Variants in IL1RAPL2 observed in about 807,000 individuals in gnomAD.
IL1RAPL2 encodes the protein X-linked interleukin-1 receptor accessory protein-like 2.
IL1RAPL2 carries 3 observed loss-of-function variants against 44.1 expected under a neutral mutation model. The ratio of observed to expected loss-of-function variants is 0.07; its 90% confidence interval spans 0.03 to 0.18. The LOEUF is 0.18. Among genes scored for constraint, IL1RAPL2 ranks in the 10% least tolerant of loss-of-function variants. The pLI is 1.00. For synonymous variants in IL1RAPL2, 181 were observed against 178.8 expected (o/e 1.01, Z -0.10); for missense variants, 391 against 496.4 (o/e 0.79, Z 2.02).
intron 2 of IL1RAPL2, among the ~76,000 whole-genome samples, chrX:104,718,549 A>G (rs1454746154): frequency 9.0e-6 from 1 of 110,514 alleles, no homozygotes; most frequent in African/African-American, 3.3e-5. Context: ...TAAAAGTGGC[A>G]GTTTCCCCTG....
intron 2 of IL1RAPL2, among the ~76,000 whole-genome samples, chrX:104,801,420 G>T (rs1334104214): frequency 1.1e-5 from 1 of 95,030 alleles, no homozygotes. Context: ...CTTCCTTATC[G>T]ACTTGAGCAT....
At chrX:104,739,651 G>C (rs189487338) in intron 2 of IL1RAPL2, among the ~76,000 whole-genome samples, 23 of 111,943 alleles carry the variant, frequency 2.1e-4, no homozygotes, top group Admixed American at 1.8e-3. Flanking sequence ...CTCTTTGTAG[G>C]AGAGAAAGGC....
At chrX:104,759,582 A>G (rs1052098583) in intron 2 of IL1RAPL2, among the ~76,000 whole-genome samples, 10 of 111,440 alleles carry the variant, frequency 9.0e-5, no homozygotes, top group African/African-American at 3.3e-4. Context: ...TCTTAGTAGC[A>G]CAAATATTTT....
chrX:105,677,375 C>T (rs1475722491), intron 6 of IL1RAPL2, among the ~76,000 whole-genome samples: 1 of 111,888 alleles, frequency 8.9e-6, no homozygotes, highest in Non-Finnish European at 1.9e-5. Flanking sequence ...ATATATACTG[C>T]ACATTCTAAA....
chrX:104,704,580 A>T (rs1931334413), intron 2 of IL1RAPL2, among the ~76,000 whole-genome samples: 1 of 111,622 alleles, frequency 9.0e-6, no homozygotes, highest in African/African-American at 3.3e-5. Context: ...GCCCTGAATT[A>T]TACTCAGAAT....
chrX:105,562,993 G>T (rs1227270260), intron 6 of IL1RAPL2, among the ~76,000 whole-genome samples: 1 of 111,928 alleles, frequency 8.9e-6, no homozygotes, highest in Non-Finnish European at 1.9e-5. Flanking sequence ...TACACATTTT[G>T]TCAGACAGTA....
At chrX:104,808,322 T>C (rs781389773) in intron 2 of IL1RAPL2, among the ~76,000 whole-genome samples, 43 of 111,503 alleles carry the variant, frequency 3.9e-4, no homozygotes, top group Non-Finnish European at 7.5e-4. Flanking sequence ...CTGACATAGG[T>C]AGAGTAAGCT....
chrX:105,168,801 G>A (rs1347810685), intron 2 of IL1RAPL2, among the ~76,000 whole-genome samples: 1 of 110,227 alleles, frequency 9.1e-6, no homozygotes, highest in Non-Finnish European at 1.9e-5. Context: ...CCCACAGTGG[G>A]GAGGTCAATC....
At chrX:105,437,598 G>A (rs1181612946) in intron 5 of IL1RAPL2, among the ~76,000 whole-genome samples, 10 of 111,219 alleles carry the variant, frequency 9.0e-5, no homozygotes, top group African/African-American at 2.9e-4. Flanking sequence ...TATGTCAGGT[G>A]TACTAGAAAC....
At chrX:104,692,484 A>T (rs1358488138) in intron 2 of IL1RAPL2, among the ~76,000 whole-genome samples, 1 of 109,228 alleles carries the variant, frequency 9.2e-6, no homozygotes, top group African/African-American at 3.3e-5. Context: ...TATATCTCCT[A>T]ATGCTATCCC....
At chrX:104,955,110 T>G (rs903899357) in intron 2 of IL1RAPL2, among the ~76,000 whole-genome samples, 11 of 111,887 alleles carry the variant, frequency 9.8e-5, no homozygotes, top group Admixed American at 9.5e-4. Context: ...GTCATGGTAT[T>G]GGTAGGCATG....
At chrX:105,427,776 TTAAGAC>T (rs905889798) in intron 5 of IL1RAPL2, among the ~76,000 whole-genome samples, 16 of 111,269 alleles carry the variant, frequency 1.4e-4, no homozygotes, top group Non-Finnish European at 1.9e-4. Flanking sequence ...AGATTATGGT[TTAAGAC>T]TAACTACTAA....
intron 2 of IL1RAPL2, among the ~76,000 whole-genome samples, chrX:105,104,926 A>C (rs968046038): frequency 3.6e-5 from 4 of 112,367 alleles, no homozygotes; most frequent in Non-Finnish European, 7.5e-5. Context: ...ATTACTTGAA[A>C]TGATTTAATT....
chrX:105,649,081 A>G (rs903384674), intron 6 of IL1RAPL2, among the ~76,000 whole-genome samples: 9 of 111,669 alleles, frequency 8.1e-5, no homozygotes, highest in African/African-American at 2.9e-4. Flanking sequence ...TACATCCAAT[A>G]TGCAACTGAG....
At chrX:105,599,820 C>G (rs2037237475) in intron 6 of IL1RAPL2, among the ~76,000 whole-genome samples, 1 of 110,589 alleles carries the variant, frequency 9.0e-6, no homozygotes, top group East Asian at 2.8e-4. Flanking sequence ...CAGTTATAAA[C>G]TATGACATTG....
chrX:105,060,555 A>G (rs768395423), intron 2 of IL1RAPL2, among the ~76,000 whole-genome samples: 2 of 88,731 alleles, frequency 2.3e-5, no homozygotes. Flanking sequence ...ATTGGCCTGT[A>G]CTTTTCTTTT....
chrX:104,686,595 C>T (rs181595986), intron 2 of IL1RAPL2, among the ~76,000 whole-genome samples: 18 of 112,085 alleles, frequency 1.6e-4, no homozygotes, highest in South Asian at 3.7e-4. Flanking sequence ...GTCCAGCTAG[C>T]TAAGTTTCCT....
At chrX:105,128,255 T>G (rs1254000891) in intron 2 of IL1RAPL2, among the ~76,000 whole-genome samples, 1 of 110,642 alleles carries the variant, frequency 9.0e-6, no homozygotes, top group Admixed American at 9.7e-5. Context: ...GTTGTTTATT[T>G]TTTATGTGCT....
chrX:104,692,869 A>G (rs1352918096), intron 2 of IL1RAPL2, among the ~76,000 whole-genome samples: 6 of 111,490 alleles, frequency 5.4e-5, no homozygotes, highest in Non-Finnish European at 1.1e-4. Context: ...CAGTAATGGG[A>G]TGGCTGGGTC....
Sources: gnomAD v4.1 joint callset for allele counts (sites outside exome capture counted in the v4.1 genomes callset) on GRCh38, gnomAD v4.1.1 for gene constraint, MANE v1.5 for transcripts, NCBI Gene and HGNC (gene_info 2026-07-23, HGNC 2026-07-21) for gene names.